The following GPC6 variants were observed in gnomAD, a reference collection of about 807,000 sequenced individuals.
GPC6 encodes the protein glypican-6.
In GPC6, 14 loss-of-function variants were observed where a neutral mutation model predicts 55.2. The observed-to-expected ratio is 0.25, with a 90% confidence interval of 0.17 to 0.40. The LOEUF (loss-of-function observed/expected upper bound fraction) is 0.40, where lower values mean the gene tolerates loss of function less well. Among genes scored for constraint, GPC6 ranks in the 10% least tolerant of loss-of-function variants. GPC6 has a pLI of 1.00. For synonymous variants in GPC6, 278 were observed against 259.6 expected (o/e 1.07, Z -0.68); for missense variants, 641 against 708.5 (o/e 0.90, Z 1.08).
chr13:93,464,951 T>G (rs1340686741), intron 1 of GPC6, among the ~76,000 whole-genome samples: 1 of 152,184 alleles, frequency 6.6e-6, no homozygotes, highest in Non-Finnish European at 1.5e-5. Flanking sequence ...CAAAACAACA[T>G]GTACCTCTCT....
chr13:93,310,872 A>G (rs190114233), intron 1 of GPC6, among the ~76,000 whole-genome samples: 1 of 152,200 alleles, frequency 6.6e-6, no homozygotes, highest in Admixed American at 6.5e-5. Flanking sequence ...TTCCTCGCCT[A>G]AGCATTTACC....
intron 3 of GPC6, among the ~76,000 whole-genome samples, chr13:93,869,317 G>T (rs1331392672): frequency 6.6e-6 from 1 of 151,848 alleles, no homozygotes; most frequent in Non-Finnish European, 1.5e-5. Context: ...AGAGCACAGA[G>T]ATGTGGCATG....
At chr13:94,053,582 A>G (rs1884029894) in intron 4 of GPC6, among the ~76,000 whole-genome samples, 1 of 152,170 alleles carries the variant, frequency 6.6e-6, no homozygotes, top group African/African-American at 2.4e-5. Flanking sequence ...CGATTAACTG[A>G]GAACAATCAC....
chr13:94,266,358 C>T (rs567284843), intron 4 of GPC6, among the ~76,000 whole-genome samples: 147 of 152,088 alleles, frequency 9.7e-4, no homozygotes, highest in East Asian at 1.6e-3. Flanking sequence ...TTAGTAGAGA[C>T]GGGGTTTCAC....
chr13:93,282,587 A>G (rs1012625548), intron 1 of GPC6, among the ~76,000 whole-genome samples: 24 of 152,112 alleles, frequency 1.6e-4, no homozygotes, highest in Non-Finnish European at 3.4e-4. Context: ...AGAAGAACAG[A>G]GCAAATAGGG....
At position 94,062,880 on chromosome 13, in the gene GPC6, T is replaced by C. The variant is rs141203299; in HGVS notation, c.877+34986T>C. 3.3e-3 allele frequency among the ~76,000 whole-genome samples: 508 copies of C among 152,310 alleles called. 6 individuals are homozygous for C. The highest frequency in any genetic ancestry group is 0.012 in the African/African-American group (495 of 41,564). ...AGATACCAAACATTTCTGAAATCTTTAACCGGATGAATACCCTACAGTGAT... is the reference window on the plus strand; with the variant it reads ...AGATACCAAACATTTCTGAAATCTTCAACCGGATGAATACCCTACAGTGAT... On this transcript the variant is annotated intron_variant, in intron 4 of 8. Coordinates refer to ENST00000377047, the MANE Select transcript of GPC6 (RefSeq NM_005708.5).
chr13:93,468,109 G>A (rs1456839408), intron 1 of GPC6, among the ~76,000 whole-genome samples: 2 of 152,122 alleles, frequency 1.3e-5, no homozygotes, highest in African/African-American at 4.8e-5. Flanking sequence ...TTTGGGCTTT[G>A]AATTTTGTGA....
intron 2 of GPC6, among the ~76,000 whole-genome samples, chr13:93,701,890 T>C (rs1296410844): frequency 6.6e-6 from 1 of 152,044 alleles, no homozygotes; most frequent in Non-Finnish European, 1.5e-5. Flanking sequence ...TCTTCCACTT[T>C]TGCAGTTACT....
At chr13:93,430,437 C>A (rs1259626323) in intron 1 of GPC6, among the ~76,000 whole-genome samples, 1 of 152,050 alleles carries the variant, frequency 6.6e-6, no homozygotes, top group Non-Finnish European at 1.5e-5. Context: ...GTGGAGTTAA[C>A]TATGTGAGCC....
chr13:93,759,476 C>T (rs1289606796), intron 2 of GPC6, among the ~76,000 whole-genome samples: 1 of 152,174 alleles, frequency 6.6e-6, no homozygotes, highest in African/African-American at 2.4e-5. Flanking sequence ...TTACATCAGG[C>T]ATTTTGAGCT....
chr13:93,885,218 T>C (rs1594556071), intron 3 of GPC6, among the ~76,000 whole-genome samples: 1 of 151,612 alleles, frequency 6.6e-6, no homozygotes, highest in African/African-American at 2.4e-5. Context: ...CTGTGAAAAC[T>C]TGGATACCCT....
intron 2 of GPC6, among the ~76,000 whole-genome samples, chr13:93,737,006 T>C (rs1008048865): frequency 6.6e-6 from 1 of 152,236 alleles, no homozygotes; most frequent in African/African-American, 2.4e-5. Context: ...GAGATTGACC[T>C]TCTCCATTTT....
chr13:93,489,019 G>C (rs1879845008), intron 1 of GPC6, among the ~76,000 whole-genome samples: 1 of 151,314 alleles, frequency 6.6e-6, no homozygotes, highest in Non-Finnish European at 1.5e-5. Context: ...CATTGCTCTT[G>C]GTGTTTTAGT....
chr13:93,756,957 G>C (rs1884791089), intron 2 of GPC6, among the ~76,000 whole-genome samples: 1 of 152,116 alleles, frequency 6.6e-6, no homozygotes, highest in South Asian at 2.1e-4. Flanking sequence ...GTTTAATAGA[G>C]CTTGTGAAAA....
chr13:93,910,035 A>G (rs765395712), intron 3 of GPC6, among the ~76,000 whole-genome samples: 23 of 150,344 alleles, frequency 1.5e-4, no homozygotes, highest in Admixed American at 9.3e-4. Flanking sequence ...CAATGACAAA[A>G]CTCTAAGAAT....
intron 5 of GPC6, among the ~76,000 whole-genome samples, 191 bp downstream of exon 5, chr13:94,286,670 AT>A (rs1356712240): frequency 6.6e-6 from 1 of 152,200 alleles, no homozygotes; most frequent in Non-Finnish European, 1.5e-5. Context: ...AAGGAAAGCA[AT>A]TTTTTAGCTT....
intron 1 of GPC6, among the ~76,000 whole-genome samples, chr13:93,282,324 T>C (rs1464844782): frequency 6.6e-6 from 1 of 152,120 alleles, no homozygotes; most frequent in Non-Finnish European, 1.5e-5. Flanking sequence ...TGGAGAAAGG[T>C]CCTTATCTAA....
chr13:94,271,378 G>GCACACA (rs1491249825), intron 4 of GPC6, among the ~76,000 whole-genome samples: 2 of 112,744 alleles, frequency 1.8e-5, no homozygotes, highest in East Asian at 2.1e-4. Context: ...GCGCGCGCGC[G>GCACACA]CGCGCACACA....
chr13:94,021,080 A>G (rs890553608), intron 3 of GPC6, among the ~76,000 whole-genome samples: 3 of 152,028 alleles, frequency 2.0e-5, no homozygotes, highest in East Asian at 1.9e-4. Flanking sequence ...TACATTAGAA[A>G]CTGTGGAAGA....
Sources: gnomAD v4.1 joint callset for allele counts (sites outside exome capture counted in the v4.1 genomes callset) on GRCh38, gnomAD v4.1.1 for gene constraint, MANE v1.5 for transcripts, NCBI Gene and HGNC (gene_info 2026-07-23, HGNC 2026-07-21) for gene names.